The following GPBP1L1 variants were observed in gnomAD, a reference collection of about 807,000 sequenced individuals.
GPBP1L1 encodes GC-rich promoter binding protein 1 like 1, also known as vasculin-like protein 1.
GPBP1L1 carries 23 observed loss-of-function variants against 52.5 expected under a neutral mutation model. The ratio of observed to expected loss-of-function variants is 0.44; its 90% CI spans 0.32 to 0.62. The LOEUF (loss-of-function observed/expected upper bound fraction) is 0.62. Ranked by LOEUF, GPBP1L1 falls within the 20% of genes least tolerant of loss-of-function variation. The probability of loss-of-function intolerance (pLI) is 0.06; values close to 1 mark genes in which losing one functional copy is unlikely to be tolerated. For missense variants in GPBP1L1, 596 were observed against 579.3 expected (o/e 1.03, Z -0.30); for synonymous variants, 243 against 203.1 (o/e 1.20, Z -1.67).
At chr1:45,629,471 C>CCCCCCCCA (rs374105264) in intron 12 of GPBP1L1, 105 bp downstream of exon 12, 16 of 144,234 alleles carry the variant, frequency 1.1e-4, no homozygotes, top group South Asian at 1.9e-4. Flanking sequence ...CCCCCCCACC[C>CCCCCCCCA]GATCTTTCTC....
At chr1:45,653,702 C>CTTT (rs143229482) in intron 6 of GPBP1L1, among the ~76,000 whole-genome samples, 2 of 143,090 alleles carry the variant, frequency 1.4e-5, no homozygotes, top group African/African-American at 2.6e-5. Flanking sequence ...TCTTTTTTTT[C>CTTT]TTTTTTTTTT....
intron 6 of GPBP1L1, among the ~76,000 whole-genome samples, chr1:45,646,793 G>A (rs573209648): frequency 6.6e-5 from 10 of 152,082 alleles, no homozygotes; most frequent in Admixed American, 1.3e-4. Flanking sequence ...TCCTGACCTC[G>A]TGATCTGCCC....
intron 2 of GPBP1L1, among the ~76,000 whole-genome samples, chr1:45,674,638 C>T (rs1645117023): frequency 6.6e-6 from 1 of 152,202 alleles, no homozygotes; most frequent in African/African-American, 2.4e-5. Context: ...ACAATATTTT[C>T]GTGTGATGCT....
intron 10 of GPBP1L1, among the ~76,000 whole-genome samples, chr1:45,631,320 T>C (rs189563009): frequency 1.2e-4 from 18 of 152,334 alleles, no homozygotes; most frequent in African/African-American, 4.3e-4. Context: ...TGGAGTGCAG[T>C]GGCGCGATCT....
In GPBP1L1 at chr1:45,665,185, G is replaced by A. The variant is rs543364982; in HGVS notation, c.-1097-3960C>T. On this transcript the variant is annotated intron_variant, in intron 2 of 12. Transcript: ENST00000355105. ...GGCACCTGTAATACCAGCTACTTGG[G>A]AGGCTGAGGCAGGAGAATTGCTTGA... Among the ~76,000 whole-genome samples the A allele has an allele frequency of 5.9e-5, 9 of 152,178 alleles. No homozygotes were observed. In the South Asian group the frequency reaches 1.9e-3, roughly 32 times the overall value.
At chr1:45,669,985 T>C (rs914401591) in intron 2 of GPBP1L1, among the ~76,000 whole-genome samples, 12 of 152,240 alleles carry the variant, frequency 7.9e-5, no homozygotes, top group African/African-American at 2.4e-4. Context: ...ATCTGGAACA[T>C]AGTAGATAAA....
At chr1:45,681,405 C>T (rs1258312474) in intron 2 of GPBP1L1, among the ~76,000 whole-genome samples, 3 of 152,012 alleles carry the variant, frequency 2.0e-5, no homozygotes, top group Non-Finnish European at 4.4e-5. Flanking sequence ...GTTTCTTCAA[C>T]AAAGTACAAG....
chr1:45,671,824 CTAATAA>C (rs1321123111), intron 2 of GPBP1L1, among the ~76,000 whole-genome samples: 1 of 150,320 alleles, frequency 6.7e-6, no homozygotes, highest in Non-Finnish European at 1.5e-5. Flanking sequence ...GACTCTGTCT[CTAATAA>C]TAATAAATAA....
At chr1:45,659,549 A>G (rs1639104007) in intron 3 of GPBP1L1, among the ~76,000 whole-genome samples, 1 of 152,204 alleles carries the variant, frequency 6.6e-6, no homozygotes, top group Admixed American at 6.5e-5. Context: ...TGTTACATCA[A>G]AGAACATGAA....
intron 2 of GPBP1L1, among the ~76,000 whole-genome samples, chr1:45,680,353 C>T (rs151234343): frequency 1.0e-3 from 154 of 151,432 alleles, no homozygotes; most frequent in Admixed American, 2.0e-3. Context: ...ATTCTAGTGC[C>T]TCAGCCTCCA....
At chr1:45,664,771 C>T (rs1421474730) in intron 2 of GPBP1L1, among the ~76,000 whole-genome samples, 1 of 151,408 alleles carries the variant, frequency 6.6e-6, no homozygotes, top group Non-Finnish European at 1.5e-5. Flanking sequence ...TGCCTCCTCC[C>T]GGGTTCAAGC....
chr1:45,655,061 A>G, intron 5 of GPBP1L1, 129 bp downstream of exon 5: 2 of 1,202,798 alleles, frequency 1.7e-6, no homozygotes, highest in Non-Finnish European at 2.4e-6. Context: ...CGTAATGACT[A>G]CTAGAGAATC....
chr1:45,651,837 GGGA>G (rs1371055842), intron 6 of GPBP1L1: 3 of 246,238 alleles, frequency 1.2e-5, no homozygotes, highest in Non-Finnish European at 2.3e-5. Flanking sequence ...CTTGGGTGGC[GGGA>G]GGAGAAGAAA....
chr1:45,674,161 T>C (rs1486621809), intron 2 of GPBP1L1, among the ~76,000 whole-genome samples: 1 of 152,120 alleles, frequency 6.6e-6, no homozygotes, highest in South Asian at 2.1e-4. Flanking sequence ...CCATCTTAAA[T>C]CCCCTGATTT....
intron 8 of GPBP1L1, among the ~76,000 whole-genome samples, chr1:45,638,900 G>C (rs1451935491): frequency 6.6e-6 from 1 of 152,224 alleles, no homozygotes; most frequent in Non-Finnish European, 1.5e-5. Context: ...AGATGGATTA[G>C]AGTTTGGCTA....
chr1:45,671,360 C>T (rs775479235), intron 2 of GPBP1L1, among the ~76,000 whole-genome samples: 2 of 152,056 alleles, frequency 1.3e-5, no homozygotes, highest in Non-Finnish European at 2.9e-5. Context: ...CAGGCATGTG[C>T]CACCATGCCC....
chr1:45,653,650 A>G (rs1477345015), intron 6 of GPBP1L1, among the ~76,000 whole-genome samples: 1 of 151,572 alleles, frequency 6.6e-6, no homozygotes, highest in African/African-American at 2.4e-5. Flanking sequence ...ATGAGCCACT[A>G]TGCCTGGCCA....
At chr1:45,668,263 G>A (rs369508727) in intron 2 of GPBP1L1, among the ~76,000 whole-genome samples, 8 of 152,096 alleles carry the variant, frequency 5.3e-5, no homozygotes, top group Admixed American at 1.3e-4. Flanking sequence ...AAAGATATGC[G>A]CTGAAATAAG....
intron 2 of GPBP1L1, among the ~76,000 whole-genome samples, chr1:45,666,687 T>TA (rs919349685): frequency 1.3e-5 from 2 of 152,240 alleles, no homozygotes; most frequent in African/African-American, 4.8e-5. Flanking sequence ...TATGACCTAA[T>TA]AATTCTACTT....
Sources: gnomAD v4.1 joint callset for allele counts (sites outside exome capture counted in the v4.1 genomes callset) on GRCh38, gnomAD v4.1.1 for gene constraint, MANE v1.5 for transcripts, NCBI Gene and HGNC (gene_info 2026-07-23, HGNC 2026-07-21) for gene names.